SNTG1: variants seen among roughly 807,000 people sequenced by gnomAD.
SNTG1 encodes the protein gamma-1-syntrophin.
SNTG1 carries 39 observed loss-of-function variants against 74.7 expected under a neutral mutation model. That is an observed-to-expected ratio of 0.52 (90% CI 0.40 to 0.68). The LOEUF (loss-of-function observed/expected upper bound fraction) is 0.68, where lower values mean the gene tolerates loss of function less well. Among genes scored for constraint, SNTG1 ranks in the 30% least tolerant of loss-of-function variants. The pLI is 0.00. For synonymous variants in SNTG1, 254 were observed against 217.1 expected, an observed-to-expected ratio of 1.17 and a Z score of -1.49; for missense variants, 685 against 609.5, an observed-to-expected ratio of 1.12 and a Z score of -1.30.
intron 13 of SNTG1, among the ~76,000 whole-genome samples, chr8:50,620,252 A>G (rs2094913093): frequency 1.3e-5 from 2 of 152,230 alleles, no homozygotes; most frequent in South Asian, 2.1e-4. Flanking sequence ...CTTTAAAACT[A>G]GTGACGTGGG....
At chr8:50,414,946 G>T (rs768377939) in intron 4 of SNTG1, among the ~76,000 whole-genome samples, 5 of 152,138 alleles carry the variant, frequency 3.3e-5, no homozygotes, top group Non-Finnish European at 7.3e-5. Context: ...AAATGAGATT[G>T]CATTGCCTAG....
chr8:50,015,949 G>A (rs890462658), intron 1 of SNTG1, among the ~76,000 whole-genome samples: 4 of 152,110 alleles, frequency 2.6e-5, no homozygotes, highest in African/African-American at 4.8e-5. Context: ...TTGGTTGTGC[G>A]ACATGCAGTT....
intron 13 of SNTG1, among the ~76,000 whole-genome samples, chr8:50,620,499 C>A (rs960287630): frequency 6.6e-6 from 1 of 152,124 alleles, no homozygotes; most frequent in South Asian, 2.1e-4. Flanking sequence ...ATGTGTCAGG[C>A]GTACTATTCT....
chr8:50,481,149 G>A (rs369004997), intron 8 of SNTG1, among the ~76,000 whole-genome samples: 4 of 152,180 alleles, frequency 2.6e-5, no homozygotes, highest in African/African-American at 4.8e-5. Context: ...TTGGGAAGCC[G>A]AGGCGGGTGG....
chr8:49,973,372 G>A (rs1159480348), intron 1 of SNTG1, among the ~76,000 whole-genome samples: 1 of 151,972 alleles, frequency 6.6e-6, no homozygotes, highest in African/African-American at 2.4e-5. Context: ...GTGGGGTGGG[G>A]GGAAGGGGGA....
At chr8:50,571,278 C>G (rs2130762742) in intron 12 of SNTG1, among the ~76,000 whole-genome samples, 1 of 152,288 alleles carries the variant, frequency 6.6e-6, no homozygotes, top group South Asian at 2.1e-4. Flanking sequence ...TTCATCACAC[C>G]CAAAGAGACC....
At chr8:50,297,706 C>A (rs1281293320) in intron 2 of SNTG1, among the ~76,000 whole-genome samples, 1 of 152,088 alleles carries the variant, frequency 6.6e-6, no homozygotes, top group African/African-American at 2.4e-5. Context: ...GAATGGCATG[C>A]AACCTAAAAC....
chr8:50,239,588 C>T (rs1284525770), intron 2 of SNTG1, among the ~76,000 whole-genome samples: 1 of 152,146 alleles, frequency 6.6e-6, no homozygotes, highest in Non-Finnish European at 1.5e-5. Context: ...GGAATTTCTC[C>T]TAATATCAAG....
chr8:50,164,747 T>A (rs938172873), intron 1 of SNTG1, among the ~76,000 whole-genome samples: 3 of 152,234 alleles, frequency 2.0e-5, no homozygotes, highest in African/African-American at 7.2e-5. Context: ...TATGCAACTC[T>A]TATGTTAACA....
At chr8:50,139,159 C>CTA (rs2081577159) in intron 1 of SNTG1, among the ~76,000 whole-genome samples, 1 of 151,962 alleles carries the variant, frequency 6.6e-6, no homozygotes, top group Non-Finnish European at 1.5e-5. Context: ...ATTTATGTTC[C>CTA]TATAGTTCAG....
intron 18 of SNTG1, among the ~76,000 whole-genome samples, chr8:50,777,685 CT>C (rs1372391300): frequency 1.3e-5 from 2 of 150,580 alleles, no homozygotes; most frequent in South Asian, 2.1e-4. Flanking sequence ...CTCTCTCTCT[CT>C]TTTTTTTAAT....
intron 1 of SNTG1, among the ~76,000 whole-genome samples, chr8:49,992,464 C>T (rs1813782973): frequency 1.3e-5 from 2 of 152,080 alleles, no homozygotes; most frequent in Admixed American, 1.3e-4. Context: ...CAGAAATTTG[C>T]ACACTTGATT....
At chr8:50,603,620 C>T (rs1392284976) in intron 13 of SNTG1, among the ~76,000 whole-genome samples, 1 of 151,976 alleles carries the variant, frequency 6.6e-6, no homozygotes, top group Non-Finnish European at 1.5e-5. Context: ...TTATTGTAGT[C>T]CTCACAGTCT....
chr8:50,071,942 T>C (rs920130125), intron 1 of SNTG1, among the ~76,000 whole-genome samples: 1 of 152,218 alleles, frequency 6.6e-6, no homozygotes, highest in Non-Finnish European at 1.5e-5. Context: ...TCATATTTTG[T>C]TCTTTTCCAT....
chr8:50,490,260 T>C (rs2093839189), intron 8 of SNTG1, among the ~76,000 whole-genome samples: 1 of 152,176 alleles, frequency 6.6e-6, no homozygotes, highest in Non-Finnish European at 1.5e-5. Flanking sequence ...ATGAGCTCTT[T>C]TTTGGTTCCA....
At chr8:50,350,860 A>G (rs1046167100) in intron 2 of SNTG1, among the ~76,000 whole-genome samples, 1 of 152,224 alleles carries the variant, frequency 6.6e-6, no homozygotes, top group Non-Finnish European at 1.5e-5. Context: ...AAAATGGACC[A>G]ATCAGCAGGA....
chr8:50,179,478 TAATC>T (rs2083121686), intron 2 of SNTG1, among the ~76,000 whole-genome samples: 3 of 152,066 alleles, frequency 2.0e-5, no homozygotes, highest in Admixed American at 6.5e-5. Context: ...GAAAAGGAAA[TAATC>T]AACACAATAA....
chr8:50,612,966 C>T (rs985800998), intron 13 of SNTG1, among the ~76,000 whole-genome samples: 5 of 151,836 alleles, frequency 3.3e-5, no homozygotes, highest in Non-Finnish European at 7.4e-5. Flanking sequence ...AGATGAAAGC[C>T]AAGTGTACAG....
intron 1 of SNTG1, among the ~76,000 whole-genome samples, chr8:50,168,932 G>T (rs1052907700): frequency 1.3e-5 from 2 of 152,000 alleles, no homozygotes; most frequent in Non-Finnish European, 2.9e-5. Context: ...AGAGTTATTC[G>T]GTTACACGTG....
Sources: allele counts gnomAD v4.1 joint callset (sites outside exome capture counted in the v4.1 genomes callset), GRCh38; gene constraint gnomAD v4.1.1; transcripts MANE v1.5; gene names NCBI Gene and HGNC (gene_info 2026-07-23, HGNC 2026-07-21).